The following TMEFF1 variants were observed in gnomAD, a reference collection of about 807,000 sequenced individuals.
TMEFF1 encodes the protein transmembrane protein with EGF like and two follistatin like domains 1.
In TMEFF1, 20 loss-of-function variants were observed where a neutral mutation model predicts 47.5. That is an observed-to-expected ratio of 0.42 (90% CI 0.30 to 0.61). The LOEUF is 0.61. Among genes scored for constraint, TMEFF1 ranks in the 20% least tolerant of loss-of-function variants. The probability of loss-of-function intolerance (pLI) is 0.19; values close to 1 mark genes in which losing one functional copy is unlikely to be tolerated. For missense variants in TMEFF1, 411 were observed against 471.1 expected, an observed-to-expected ratio of 0.87 and a Z score of 1.18; for synonymous variants, 162 against 166.3, an observed-to-expected ratio of 0.97 and a Z score of 0.20.
intron 1 of TMEFF1, among the ~76,000 whole-genome samples, chr9:100,493,411 C>T (rs1481328488): frequency 6.6e-6 from 1 of 152,160 alleles, no homozygotes; most frequent in Non-Finnish European, 1.5e-5. Context: ...GCTGCTGGAT[C>T]TCATTTTGAA....
intron 1 of TMEFF1, among the ~76,000 whole-genome samples, chr9:100,496,179 G>A (rs763668167): frequency 4.6e-5 from 7 of 152,220 alleles, no homozygotes; most frequent in African/African-American, 7.2e-5. Flanking sequence ...GGCTGGAGGA[G>A]CAAACCAAGT....
In TMEFF1 at chr9:100,498,839, G is replaced by A. The variant is rs1417928215; in HGVS notation, c.271G>A (p.Asp91Asn). The A allele has an allele frequency of 6.2e-7, 1 of 1,613,964 alleles. No individual in the cohort carries two copies. The highest frequency in any genetic ancestry group is 8.5e-7 in the Non-Finnish European group (1 of 1,179,876). ...SCKYGGVCKEDGDGLKCACQF... is the reference protein window; with the variant it reads ...SCKYGGVCKENGDGLKCACQF... ...TAAATATGGAGGAGTCTGTAAAGAA[G>A]ATGGAGATGGTTTGAAATGTGCATG... is the stretch of plus-strand genomic sequence containing the variant. The change falls in exon 2 of 10, where the codon GAT becomes AAT. Residue 91 changes from aspartate to asparagine, a missense_variant. Coordinates refer to ENST00000374879, the MANE Select transcript of TMEFF1 (RefSeq NM_003692.5).
intron 5 of TMEFF1, among the ~76,000 whole-genome samples, chr9:100,525,511 C>T (rs1838238482): frequency 7.0e-6 from 1 of 142,484 alleles, no homozygotes; most frequent in Non-Finnish European, 1.6e-5. Flanking sequence ...CGTCTGTCCC[C>T]ATGGAGTCAA....
intron 1 of TMEFF1, among the ~76,000 whole-genome samples, chr9:100,496,725 G>C (rs1225577926): frequency 6.6e-6 from 1 of 152,190 alleles, no homozygotes; most frequent in Non-Finnish European, 1.5e-5. Flanking sequence ...TACAATTCAA[G>C]AGTCTCAAAG....
chr9:100,516,440 A>G (rs566808512), intron 4 of TMEFF1, among the ~76,000 whole-genome samples: 1 of 152,248 alleles, frequency 6.6e-6, no homozygotes, highest in African/African-American at 2.4e-5. Flanking sequence ...AGTTCTGCCT[A>G]CATAGTTTAA....
chr9:100,555,026 T>C (rs1838890815), intron 7 of TMEFF1, among the ~76,000 whole-genome samples: 1 of 152,154 alleles, frequency 6.6e-6, no homozygotes, highest in South Asian at 2.1e-4. Flanking sequence ...GGTTTTTTCA[T>C]AACATCATCC....
At chr9:100,543,704 A>AACACACACACACACAC (rs36046142) in intron 5 of TMEFF1, among the ~76,000 whole-genome samples, 2 of 138,824 alleles carry the variant, frequency 1.4e-5, no homozygotes, top group African/African-American at 5.4e-5. Flanking sequence ...GATGAAGTAA[A>AACACACACACACACAC]ACACACACAC....
chr9:100,539,956 A>G (rs1003406035), intron 5 of TMEFF1, among the ~76,000 whole-genome samples: 2 of 152,082 alleles, frequency 1.3e-5, no homozygotes, highest in African/African-American at 4.8e-5. Flanking sequence ...CCCCTACCCA[A>G]TTAGCTACAC....
intron 5 of TMEFF1, among the ~76,000 whole-genome samples, chr9:100,519,685 C>T (rs1364987809): frequency 2.3e-5 from 2 of 88,886 alleles, no homozygotes; most frequent in East Asian, 4.6e-4. Context: ...TTAACAAAAA[C>T]ACTGCCCTCT....
At position 100,525,929 on chromosome 9, in the gene TMEFF1, A is replaced by T. The variant is rs115323821; in HGVS notation, c.560+9158A>T. Among the ~76,000 whole-genome samples the T allele has an allele frequency of 3.2e-3, 481 of 152,320 alleles. 3 individuals carry two copies. Among genetic ancestry groups the T allele is most frequent in the African/African-American group, 0.01 (434 of 41,582 alleles). On this transcript the variant is annotated intron_variant, in intron 5 of 9. Coordinates refer to ENST00000374879, the MANE Select transcript of TMEFF1 (RefSeq NM_003692.5). ...TTTGTCTCTCTCTCCTATATAGGGT[A>T]CTGTATTTCTTCTATTTTTGCTTCT...
intron 7 of TMEFF1, among the ~76,000 whole-genome samples, chr9:100,555,856 CAT>C (rs1367098958): frequency 6.6e-6 from 1 of 152,128 alleles, no homozygotes; most frequent in African/African-American, 2.4e-5. Flanking sequence ...GGTGCTTTCA[CAT>C]ATTTATGTTA....
intron 3 of TMEFF1, among the ~76,000 whole-genome samples, chr9:100,512,354 T>A (rs1020567019): frequency 1.3e-4 from 20 of 152,178 alleles, no homozygotes; most frequent in Non-Finnish European, 1.5e-5. Context: ...TCCTCCTGTT[T>A]CTGTGGTATC....
chr9:100,496,912 G>A (rs989146336), intron 1 of TMEFF1, among the ~76,000 whole-genome samples: 3 of 152,214 alleles, frequency 2.0e-5, no homozygotes, highest in African/African-American at 4.8e-5. Flanking sequence ...TCTTATTTCT[G>A]TAGCCCCTAA....
chr9:100,512,360 G>C (rs1324022944), intron 3 of TMEFF1, among the ~76,000 whole-genome samples: 1 of 152,068 alleles, frequency 6.6e-6, no homozygotes, highest in Non-Finnish European at 1.5e-5. Flanking sequence ...TGTTTCTGTG[G>C]TATCTGGGAA....
intron 1 of TMEFF1, among the ~76,000 whole-genome samples, chr9:100,487,643 G>A (rs190316798): frequency 2.0e-3 from 302 of 152,246 alleles, no homozygotes; most frequent in Non-Finnish European, 2.0e-3. Context: ...GGTTATGGTA[G>A]TGTCTTTTTA....
chr9:100,511,015 G>A (rs1044515509), intron 3 of TMEFF1, among the ~76,000 whole-genome samples: 7 of 152,148 alleles, frequency 4.6e-5, no homozygotes, highest in African/African-American at 1.2e-4. Context: ...CAGGTATGAC[G>A]TAGGTTACCT....
intron 6 of TMEFF1, among the ~76,000 whole-genome samples, chr9:100,548,832 G>A (rs368509895): frequency 2.0e-5 from 3 of 152,114 alleles, no homozygotes; most frequent in Non-Finnish European, 4.4e-5. Context: ...CAATTTTTAG[G>A]TAGGAGTTGA....
Position 100,561,456 on chromosome 9 carries a change from C to T in TMEFF1, c.835C>T (p.Leu279Phe), listed in dbSNP as rs780489503. 1.2e-6 allele frequency: 2 copies of T among 1,613,868 alleles called. No homozygotes were observed. The highest frequency in any genetic ancestry group is 8.5e-7 in the Non-Finnish European group (1 of 1,179,854). ...AAACCACATGCCTTGCCCTGAAAAC[C>T]TCAATGGTTACTGCATCCATGGAAA... ...IGNHMPCPEN[L>F]NGYCIHGKCE... The change falls in exon 8 of 10, where the codon CTC becomes TTC. Residue 279 changes from leucine to phenylalanine, a missense_variant. Coordinates refer to ENST00000374879, the MANE Select transcript of TMEFF1 (RefSeq NM_003692.5).
At chr9:100,538,897 C>T (rs758921648) in intron 5 of TMEFF1, among the ~76,000 whole-genome samples, 14 of 151,928 alleles carry the variant, frequency 9.2e-5, no homozygotes, top group Non-Finnish European at 1.3e-4. Flanking sequence ...CTGGTATACA[C>T]GAGTAGGAGA....
Sources: allele counts gnomAD v4.1 joint callset (sites outside exome capture counted in the v4.1 genomes callset), GRCh38; gene constraint gnomAD v4.1.1; transcripts MANE v1.5; gene names NCBI Gene and HGNC (gene_info 2026-07-23, HGNC 2026-07-21).